SHB: variants seen among roughly 807,000 people sequenced by gnomAD.
The protein encoded by SHB is SH2 domain-containing adapter protein B.
A neutral mutation model predicts 52.3 loss-of-function variants in SHB; 20 were observed. The ratio of observed to expected loss-of-function variants is 0.38; its 90% CI spans 0.27 to 0.56. The LOEUF (loss-of-function observed/expected upper bound fraction) is 0.56, where lower values mean the gene tolerates loss of function less well. Ranked by LOEUF, SHB falls within the 20% of genes least tolerant of loss-of-function variation. The pLI, the probability that SHB is intolerant of heterozygous loss-of-function variation, is 0.71. For synonymous variants in SHB, 397 were observed against 316.5 expected, an observed-to-expected ratio of 1.25 and a Z score of -2.70; for missense variants, 825 against 723.3, an observed-to-expected ratio of 1.14 and a Z score of -1.61.
chr9:37,930,842 T>C (rs545638155), intron 5 of SHB, among the ~76,000 whole-genome samples: 1 of 152,286 alleles, frequency 6.6e-6, no homozygotes, highest in South Asian at 2.1e-4. Flanking sequence ...GTTGGGGGCA[T>C]CACACTTCCT....
intron 3 of SHB, among the ~76,000 whole-genome samples, chr9:37,974,212 C>T (rs182701441): frequency 6.6e-6 from 1 of 152,242 alleles, no homozygotes; most frequent in African/African-American, 2.4e-5. Flanking sequence ...GCCGAGATCG[C>T]ATCACTGCAC....
chr9:38,067,905 G>A (rs1325584822), intron 1 of SHB, 24 bp downstream of exon 1: 1 of 1,448,730 alleles, frequency 6.9e-7, no homozygotes, highest in Non-Finnish European at 9.0e-7. Context: ...TGGAACCTCG[G>A]GAAGAGGCCA....
intron 5 of SHB, among the ~76,000 whole-genome samples, chr9:37,932,942 T>C (rs561766578): frequency 1.8e-4 from 27 of 152,354 alleles, no homozygotes; most frequent in Admixed American, 1.6e-3. Flanking sequence ...TATCTGTATG[T>C]ATTCTATAAC....
chr9:37,919,725 G>C lies in SHB; in HGVS notation c.*96C>G. 1.0e-6 allele frequency: 1 copy of C among 961,986 alleles called. No individual in the cohort carries two copies. Among genetic ancestry groups the C allele is most frequent in the Non-Finnish European group, 1.6e-6 (1 of 613,536 alleles). The allele number at this position is 961,986 out of a possible 1,614,324, so 59.6% of individuals were successfully genotyped here. On this transcript the variant is annotated 3_prime_UTR_variant, in exon 6 of 6. Transcript: ENST00000377707. ...CTAGTACCATACACACAACACAAAC[G>C]ACACAGCCAGCAACAGTGGCTGGGC... is the stretch of plus-strand genomic sequence containing the variant.
In SHB at chr9:38,068,178, G is replaced by GGAGGACGAGGAC; in HGVS notation, c.456_467dup (p.Ser153_Ser156dup). 2 of 1,425,920 alleles carry GGAGGACGAGGAC rather than the reference G, an allele frequency of 1.4e-6. No homozygotes were observed. The highest frequency in any genetic ancestry group is 1.8e-6 in the Non-Finnish European group (2 of 1,103,388). 88.3% of individuals were successfully genotyped at this position (1,425,920 alleles called of 1,614,324 possible). On this transcript the variant is annotated inframe_insertion, in exon 1 of 6. Transcript: ENST00000377707. ...TGCTGCGGTAGAGATGCGGAGAGCC[G>GGAGGACGAGGAC]GAGGACGAGGACGAGGACGCGGCGG...
At position 37,951,684 on chromosome 9, in the gene SHB, C is replaced by T. The variant is rs142945236; in HGVS notation, c.1227-2930G>A. On this transcript the variant is annotated intron_variant, in intron 4 of 5. Coordinates refer to ENST00000377707, the MANE Select transcript of SHB (RefSeq NM_003028.3). ...CTCTGCTCTGAGATGGGGGCATGGC[C>T]TCTGGATTCTTGTTAAGGGGAATCC... Among the ~76,000 whole-genome samples the T allele has an allele frequency of 2.0e-3, 299 of 152,378 alleles. 1 individual carries two copies. Among genetic ancestry groups the T allele is most frequent in the African/African-American group, 6.9e-3 (287 of 41,586 alleles).
Position 37,916,006 on chromosome 9 carries a change from G to A in SHB, c.*3815C>T, listed in dbSNP as rs556480231. Among the ~76,000 whole-genome samples, 9 of 152,350 alleles carry A rather than the reference G, an allele frequency of 5.9e-5. No individual in the cohort carries two copies. The South Asian group carries it at 1.9e-3, about 32-fold the overall frequency. Reference sequence around the variant, plus strand: ...CAAGAGACTTCAGCAGTAGGTGGCTGGTTTAAGGCTCCTGGCAGGGATGCA... The same window carrying A: ...CAAGAGACTTCAGCAGTAGGTGGCTAGTTTAAGGCTCCTGGCAGGGATGCA... On this transcript the variant is annotated 3_prime_UTR_variant, in exon 6 of 6. Transcript: ENST00000377707.
chr9:37,975,164 G>C (rs949305729), intron 2 of SHB, among the ~76,000 whole-genome samples: 1 of 152,170 alleles, frequency 6.6e-6, no homozygotes, highest in African/African-American at 2.4e-5. Flanking sequence ...CCCAGAACAC[G>C]CAGAGCTTCT....
At chr9:38,050,347 T>C (rs1821723711) in intron 1 of SHB, among the ~76,000 whole-genome samples, 1 of 152,228 alleles carries the variant, frequency 6.6e-6, no homozygotes, top group East Asian at 1.9e-4. Flanking sequence ...ATAGACTTAA[T>C]AATGACAATC....
chr9:37,947,077 C>T (rs1055652132), intron 5 of SHB, among the ~76,000 whole-genome samples: 1 of 152,210 alleles, frequency 6.6e-6, no homozygotes, highest in South Asian at 2.1e-4. Context: ...TTCTGCCCGG[C>T]CCCAGTTGCA....
rs1456851516 is a variant in SHB, at chr9:37,976,011, CAT to C, written c.839-1176_839-1175del. On this transcript the variant is annotated intron_variant, in intron 2 of 5. Transcript: ENST00000377707. ...CTTTATTTTTTATTGTGGTAAAATA[CAT>C]ATAATAACATTGAGCACTTTTTTAT... is the stretch of plus-strand genomic sequence containing the variant. Among the ~76,000 whole-genome samples the C allele has an allele frequency of 2.0e-5, 3 of 152,176 alleles. No individual in the cohort carries two copies. In the East Asian group the frequency reaches 5.8e-4, roughly 29 times the overall value.
chr9:37,965,859 T>A (rs1482504725), intron 3 of SHB, among the ~76,000 whole-genome samples: 1 of 152,192 alleles, frequency 6.6e-6, no homozygotes, highest in Non-Finnish European at 1.5e-5. Context: ...GGCGGTACTA[T>A]GCACTGAGAG....
At chr9:38,035,461 G>C (rs1402411007) in intron 1 of SHB, among the ~76,000 whole-genome samples, 2 of 151,934 alleles carry the variant, frequency 1.3e-5, no homozygotes, top group African/African-American at 4.8e-5. Flanking sequence ...GTGTTGAAGG[G>C]GTTGCTCCAA....
At chr9:38,062,939 G>C (rs1020533943) in intron 1 of SHB, among the ~76,000 whole-genome samples, 9 of 152,150 alleles carry the variant, frequency 5.9e-5, no homozygotes, top group African/African-American at 2.2e-4. Flanking sequence ...TCAAACCACG[G>C]GCGGTTTTGG....
intron 5 of SHB, 32 bp from the exon 6 acceptor site, chr9:37,920,036 C>A (rs749370412): frequency 9.6e-6 from 15 of 1,570,592 alleles, no homozygotes; most frequent in Non-Finnish European, 1.2e-5. Context: ...ATCAGAACTA[C>A]CCCCCTGACA....
intron 3 of SHB, among the ~76,000 whole-genome samples, chr9:37,971,551 C>G (rs1820590319): frequency 1.3e-5 from 2 of 152,198 alleles, no homozygotes. Flanking sequence ...TTCTATGCCC[C>G]AGGAAGCAGA....
At chr9:38,040,978 A>T (rs1821567961) in intron 1 of SHB, among the ~76,000 whole-genome samples, 1 of 151,954 alleles carries the variant, frequency 6.6e-6, no homozygotes, top group Non-Finnish European at 1.5e-5. Flanking sequence ...TGCCCCAGGG[A>T]CGCTTAGAGT....
intron 1 of SHB, among the ~76,000 whole-genome samples, chr9:38,060,351 T>G (rs1309770432): frequency 1.3e-5 from 2 of 152,124 alleles, no homozygotes; most frequent in Non-Finnish European, 2.9e-5. Context: ...ATTTTTGTAT[T>G]TTTAATAGAG....
intron 1 of SHB, among the ~76,000 whole-genome samples, chr9:38,057,128 G>A (rs1179495475): frequency 6.6e-6 from 1 of 152,196 alleles, no homozygotes; most frequent in Non-Finnish European, 1.5e-5. Context: ...AAGTTACAAA[G>A]ATGTTCATTA....
Sources: allele counts gnomAD v4.1 joint callset (sites outside exome capture counted in the v4.1 genomes callset), GRCh38; gene constraint gnomAD v4.1.1; transcripts MANE v1.5; gene names NCBI Gene and HGNC (gene_info 2026-07-23, HGNC 2026-07-21).